The following KSR2 variants were observed in gnomAD, a reference collection of about 807,000 sequenced individuals.
KSR2 encodes kinase suppressor of ras 2.
In KSR2, 25 loss-of-function variants were observed where a neutral mutation model predicts 107.8. The observed-to-expected ratio is 0.23, with a 90% CI of 0.17 to 0.32. The LOEUF (loss-of-function observed/expected upper bound fraction) is 0.32, where lower values mean the gene tolerates loss of function less well. Ranked by LOEUF, KSR2 falls within the 10% of genes least tolerant of loss-of-function variation. The probability of loss-of-function intolerance (pLI) is 1.00; values close to 1 mark genes in which losing one functional copy is unlikely to be tolerated. For synonymous variants in KSR2, 480 were observed against 507.0 expected (o/e 0.95, Z 0.71); for missense variants, 887 against 1,268.9 (o/e 0.70, Z 4.57).
intron 4 of KSR2, among the ~76,000 whole-genome samples, chr12:117,677,802 G>T (rs1004825159): frequency 2.6e-5 from 4 of 152,094 alleles, no homozygotes; most frequent in Non-Finnish European, 4.4e-5. Context: ...TGTCTCCAAG[G>T]CCTAGAAAAA....
intron 2 of KSR2, among the ~76,000 whole-genome samples, chr12:117,857,487 A>G (rs987543548): frequency 2.6e-5 from 4 of 152,186 alleles, no homozygotes; most frequent in South Asian, 4.1e-4. Context: ...ATATATTTCA[A>G]TTTACTCTAA....
At position 117,467,220 on chromosome 12, in the gene KSR2, G is replaced by C; in HGVS notation, c.2847-15C>G. 1 of 734,294 alleles carries C rather than the reference G, an allele frequency of 1.4e-6. No homozygotes were observed. The highest frequency in any genetic ancestry group is 2.5e-6 in the Non-Finnish European group (1 of 398,522). The allele number at this position is 734,294 out of a possible 1,614,324, so 45.5% of individuals were successfully genotyped here. The stretch of plus-strand genomic sequence containing the variant: ...AAGGTCACAGCCTGGAGTGGGGAGA[G>C]AAGGGAGAGAGTGGTGAGAGGTCAC... On this transcript the variant is annotated splice_polypyrimidine_tract_variant and intron_variant, in intron 19 of 19. Transcript: ENST00000339824.
At chr12:117,611,446 A>ACACACACACACACACACG (rs1555221604) in intron 5 of KSR2, among the ~76,000 whole-genome samples, 2 of 29,022 alleles carry the variant, frequency 6.9e-5, no homozygotes, top group East Asian at 8.6e-4. Flanking sequence ...GCACGCACAG[A>ACACACACACACACACACG]CACACACACA....
chr12:117,840,158 C>A (rs552095815), intron 3 of KSR2, among the ~76,000 whole-genome samples: 2 of 150,240 alleles, frequency 1.3e-5, no homozygotes, highest in East Asian at 3.9e-4. Flanking sequence ...GAGTGCAATG[C>A]GCAATCTTGG....
In KSR2 at chr12:117,454,326, T is replaced by A. The variant is rs1241921696; in HGVS notation, c.*12873A>T. ...TGCTGAGAAAGTGTTGATGAAATCA[T>A]TATCCACAATAGACAGTGGCTCAAG... is the stretch of plus-strand genomic sequence containing the variant. On this transcript the variant is annotated 3_prime_UTR_variant, in exon 20 of 20. Coordinates refer to ENST00000339824, the MANE Select transcript of KSR2 (RefSeq NM_173598.6). The A allele has an allele frequency of 6.6e-6, 1 of 152,214 alleles. No homozygotes were observed. The highest frequency in any genetic ancestry group is 1.9e-4 in the East Asian group (1 of 5,196). The allele number at this position is 152,214 out of a possible 1,614,324, so 9.4% of individuals were successfully genotyped here.
chr12:117,804,435 A>T (rs1244292682), intron 3 of KSR2, among the ~76,000 whole-genome samples: 1 of 152,184 alleles, frequency 6.6e-6, no homozygotes, highest in Non-Finnish European at 1.5e-5. Context: ...AATCTTTACT[A>T]CCTGGTCCTT....
rs1896864625 is a variant in KSR2, at chr12:117,968,443, A to T, written c.-188T>A. On this transcript the variant is annotated 5_prime_UTR_variant, in exon 1 of 20. Coordinates refer to ENST00000339824, the MANE Select transcript of KSR2 (RefSeq NM_173598.6). The stretch of plus-strand genomic sequence containing the variant: ...GTGGGAGGAGGGGACAAGAGCCAAA[A>T]TTTATTATTTTATTTTGGGATATCA... 1.5e-6 allele frequency: 2 copies of T among 1,325,408 alleles called. No individual in the cohort carries two copies. The highest frequency in any genetic ancestry group is 3.7e-5 in the Admixed American group (1 of 26,808). The allele number at this position is 1,325,408 out of a possible 1,614,324, so 82.1% of individuals were successfully genotyped here. A position where few individuals can be genotyped will look rare whatever the true frequency, so the allele number is the denominator to read the frequency against.
At chr12:117,793,105 CCAACGTGCACACA>C (rs1890328685) in intron 3 of KSR2, among the ~76,000 whole-genome samples, 3 of 114,212 alleles carry the variant, frequency 2.6e-5, no homozygotes, top group African/African-American at 7.9e-5. Flanking sequence ...CACACTCACA[CCAACGTGCACACA>C]AACATGCACA....
In KSR2 at chr12:117,571,453, G is replaced by T. The variant is rs191590192; in HGVS notation, c.1325+7666C>A. Among the ~76,000 whole-genome samples, 4 of 152,266 alleles carry T rather than the reference G, an allele frequency of 2.6e-5. No individual in the cohort carries two copies. In the East Asian group the frequency reaches 7.7e-4, roughly 29 times the overall value. ...GGATTTTGCACCCCTGAAAAAGGTAGTCACTGGCTCTGAACCACCTGGGGA... is the reference window on the plus strand; with the variant it reads ...GGATTTTGCACCCCTGAAAAAGGTATTCACTGGCTCTGAACCACCTGGGGA... On this transcript the variant is annotated intron_variant, in intron 7 of 19. Transcript: ENST00000339824.
chr12:117,570,178 A>AT, intron 7 of KSR2, among the ~76,000 whole-genome samples: 1 of 151,782 alleles, frequency 6.6e-6, no homozygotes, highest in Non-Finnish European at 1.5e-5. Flanking sequence ...AATTTTTTGT[A>AT]TTTTCAGTAG....
At chr12:117,546,740 A>C (rs1191669947) in intron 9 of KSR2, among the ~76,000 whole-genome samples, 1 of 152,042 alleles carries the variant, frequency 6.6e-6, no homozygotes, top group Admixed American at 6.6e-5. Flanking sequence ...TGCCCCATCC[A>C]ACTTGTTATT....
At chr12:117,566,796 C>T (rs915475182) in intron 7 of KSR2, among the ~76,000 whole-genome samples, 3 of 152,192 alleles carry the variant, frequency 2.0e-5, no homozygotes, top group African/African-American at 7.2e-5. Context: ...AAAGATCTTG[C>T]AGTCTAGCAA....
At chr12:117,777,878 GA>G (rs1286761970) in intron 3 of KSR2, among the ~76,000 whole-genome samples, 2 of 151,820 alleles carry the variant, frequency 1.3e-5, no homozygotes, top group Non-Finnish European at 2.9e-5. Context: ...CTAAAAATAT[GA>G]AAAATTAGCA....
In KSR2 at chr12:117,485,505, G is replaced by T. The variant is rs762019586; in HGVS notation, c.2316+90C>A. 21 of 935,572 alleles carry T rather than the reference G, an allele frequency of 2.2e-5. No homozygotes were observed. In the African/African-American group the frequency reaches 2.3e-4, roughly 10 times the overall value. 58.0% of individuals were successfully genotyped at this position (935,572 alleles called of 1,614,324 possible). On this transcript the variant is annotated intron_variant, in intron 15 of 19. Coordinates refer to ENST00000339824, the MANE Select transcript of KSR2 (RefSeq NM_173598.6). ...GATTGGTAGTCTGAAATCCAACCAT[G>T]AATCTTAGGAGCCCTGGGGTAGGGG...
At chr12:117,601,437 G>A (rs190836169) in intron 5 of KSR2, among the ~76,000 whole-genome samples, 10 of 152,206 alleles carry the variant, frequency 6.6e-5, no homozygotes, top group East Asian at 5.8e-4. Flanking sequence ...TCCTGGGTTC[G>A]TGTGGGCCCT....
At position 117,748,628 on chromosome 12, in the gene KSR2, G is replaced by C. The variant is rs532982107; in HGVS notation, c.986+12383C>G. Among the ~76,000 whole-genome samples the C allele has an allele frequency of 1.8e-4, 28 of 152,220 alleles. No individual in the cohort carries two copies. In the East Asian group the frequency reaches 3.5e-3, roughly 19 times the overall value. ...TACCAATAAATGATGCAAAGTATCA[G>C]CATACAATAAGCCTTCCATAAGTGA... is the stretch of plus-strand genomic sequence containing the variant. On this transcript the variant is annotated intron_variant, in intron 4 of 19. Transcript: ENST00000339824.
chr12:117,811,121 G>C (rs918531476), intron 3 of KSR2, among the ~76,000 whole-genome samples: 1 of 152,100 alleles, frequency 6.6e-6, no homozygotes, highest in African/African-American at 2.4e-5. Context: ...TGGAGGGCAG[G>C]CCTGGCAAAT....
intron 5 of KSR2, among the ~76,000 whole-genome samples, chr12:117,650,248 G>A (rs150311084): frequency 0.013 from 2,027 of 152,244 alleles, 13 homozygotes; most frequent in Middle Eastern, 0.037. Context: ...TCTTTCTCCC[G>A]TGCTGGATGC....
intron 3 of KSR2, among the ~76,000 whole-genome samples, chr12:117,836,806 C>T (rs1388143021): frequency 1.3e-5 from 2 of 152,226 alleles, no homozygotes; most frequent in Non-Finnish European, 2.9e-5. Flanking sequence ...CACTTCTCAT[C>T]GTAGCCATTC....
Sources: allele counts gnomAD v4.1 joint callset (sites outside exome capture counted in the v4.1 genomes callset), GRCh38; gene constraint gnomAD v4.1.1; transcripts MANE v1.5; gene names NCBI Gene and HGNC (gene_info 2026-07-23, HGNC 2026-07-21).